The following DKKL1 variants were observed in gnomAD, a reference collection of about 807,000 sequenced individuals.
DKKL1 encodes the protein dickkopf like acrosomal protein 1.
DKKL1 carries 11 observed loss-of-function variants against 16.5 expected under a neutral mutation model. The observed-to-expected ratio is 0.67, with a 90% confidence interval of 0.42 to 1.10. The LOEUF is 1.10. Among genes scored for constraint, DKKL1 ranks in the 50% least tolerant of loss-of-function variants. The pLI, the probability that DKKL1 is intolerant of heterozygous loss-of-function variation, is 0.00. For synonymous variants in DKKL1, 119 were observed against 133.2 expected (o/e 0.89, Z 0.73); for missense variants, 320 against 308.1 (o/e 1.04, Z -0.29).
chr19:49,371,558 A>G (rs1470227436), intron 4 of DKKL1, among the ~76,000 whole-genome samples: 1 of 142,522 alleles, frequency 7.0e-6, no homozygotes, highest in Admixed American at 6.7e-5. Context: ...TCATTTTCTT[A>G]ATGACTTACC....
At chr19:49,372,970 C>T (rs1035382809) in intron 4 of DKKL1, among the ~76,000 whole-genome samples, 4 of 152,036 alleles carry the variant, frequency 2.6e-5, no homozygotes, top group Non-Finnish European at 4.4e-5. Context: ...CATTGCACTA[C>T]AGCCTGGGCA....
In DKKL1 at chr19:49,363,901, G is replaced by A; in HGVS notation, c.-98G>A. The A allele has an allele frequency of 1.3e-6, 2 of 1,536,400 alleles. No homozygotes were observed. Among genetic ancestry groups the A allele is most frequent in the Non-Finnish European group, 1.8e-6 (2 of 1,128,514 alleles). On this transcript the variant is annotated 5_prime_UTR_variant, in exon 1 of 5. Transcript: ENST00000221498. ...CAGACCTGGGCTCGAGACCATAACTGTTTGGCTTTAACAGTACGTGGGCGG... is the reference window on the plus strand; with the variant it reads ...CAGACCTGGGCTCGAGACCATAACTATTTGGCTTTAACAGTACGTGGGCGG...
Position 49,365,621 on chromosome 19 carries a change from C to G in DKKL1, c.296C>G (p.Thr99Ser). 6.2e-7 allele frequency: 1 copy of G among 1,613,400 alleles called. No individual in the cohort carries two copies. The highest frequency in any genetic ancestry group is 8.5e-7 in the Non-Finnish European group (1 of 1,179,656). ...CAGGAGCACCAGCTGGGGAACAACACCCTCTCCAGCCACCTCCAGATCGAC... is the reference window on the plus strand; with the variant it reads ...CAGGAGCACCAGCTGGGGAACAACAGCCTCTCCAGCCACCTCCAGATCGAC... Reference protein sequence around the residue: ...ENQEHQLGNNTLSSHLQIDKM... With the variant: ...ENQEHQLGNNSLSSHLQIDKM... Residue 99 changes from threonine to serine, a missense_variant, in exon 3 of 5, where the codon ACC becomes AGC. Coordinates refer to ENST00000221498, the MANE Select transcript of DKKL1 (RefSeq NM_014419.4).
chr19:49,361,120 G>A (rs1230151314), upstream of DKKL1, among the ~76,000 whole-genome samples: 12 of 121,120 alleles, frequency 9.9e-5, no homozygotes, highest in East Asian at 2.9e-4. Context: ...CCAGGGAGAG[G>A]GGGAGACAGA....
rs550725451 is a variant in DKKL1, at chr19:49,364,282, G to A, written c.10+274G>A. On this transcript the variant is annotated intron_variant, in intron 1 of 4. Coordinates refer to ENST00000221498, the MANE Select transcript of DKKL1 (RefSeq NM_014419.4). ...GGGAGAATCACCTGAGCCCGGGGAG[G>A]TCGAGGCTGCAGTGAGCCGTGATTG... Among the ~76,000 whole-genome samples, 269 of 151,196 alleles carry A rather than the reference G, an allele frequency of 1.8e-3. 1 individual carries two copies. The Middle Eastern group carries it at 0.055, about 31-fold the overall frequency.
intron 4 of DKKL1, chr19:49,370,140 A>C (rs1973419718): frequency 6.6e-6 from 1 of 152,272 alleles, no homozygotes; most frequent in South Asian, 2.1e-4. Context: ...AGCCAGTGAA[A>C]GCTCAGATGA....
intron 4 of DKKL1, among the ~76,000 whole-genome samples, chr19:49,366,712 G>GGT (rs1568593133): frequency 2.1e-5 from 2 of 96,258 alleles, no homozygotes; most frequent in Non-Finnish European, 4.1e-5. Flanking sequence ...TTGTTTTTTT[G>GGT]GTTTTTTTTT....
chr19:49,366,085 G>A (rs866329454), intron 4 of DKKL1, among the ~76,000 whole-genome samples, 200 bp downstream of exon 4: 4 of 152,164 alleles, frequency 2.6e-5, no homozygotes, highest in Middle Eastern at 3.4e-3. Context: ...CTGCCACCAC[G>A]CCCGGCTAAT....
At chr19:49,364,480 T>G in intron 1 of DKKL1, 102 bp from the exon 2 acceptor site, 1 of 914,284 alleles carries the variant, frequency 1.1e-6, no homozygotes, top group South Asian at 1.7e-5. Flanking sequence ...GGTGTGGGAG[T>G]TGCCTGAACT....
intron 4 of DKKL1, chr19:49,371,010 C>G (rs1020030903): frequency 6.6e-6 from 1 of 152,172 alleles, no homozygotes; most frequent in African/African-American, 2.4e-5. Flanking sequence ...CCAGTAATGA[C>G]AAAGACTCTT....
rs1973294029 is a variant in DKKL1 at position 49,367,358 on chromosome 19, A to G, written c.417+1473A>G. The stretch of plus-strand genomic sequence containing the variant: ...GCCCAAAATGTGATTTTTAATACCA[A>G]AGAGCTGTATGAATGCTAAATGCGT... On this transcript the variant is annotated intron_variant, in intron 4 of 4. Transcript: ENST00000221498. 2.0e-5 allele frequency among the ~76,000 whole-genome samples: 3 copies of G among 152,014 alleles called. No individual in the cohort carries two copies. The South Asian group carries it at 6.2e-4, about 32-fold the overall frequency.
Position 49,364,589 on chromosome 19 carries a change from A to T in DKKL1, c.18A>T (p.Pro6=), listed in dbSNP as rs1973176850. ...CCCCGACCCTTGCCACAGCCTCCCC[A>T]CCTGCCCCCGCAAGGCGGCATCTGC... MGEAS[P]PAPARRHLLV... is the part of the protein sequence containing the mutation. Residue 6 remains proline, a synonymous_variant, in exon 2 of 5, where the codon CCA becomes CCT. Coordinates refer to ENST00000221498, the MANE Select transcript of DKKL1 (RefSeq NM_014419.4). 3 of 1,610,300 alleles carry T rather than the reference A, an allele frequency of 1.9e-6. No individual in the cohort carries two copies. Among genetic ancestry groups the T allele is most frequent in the Middle Eastern group, 2.1e-4 (1 of 4,678 alleles).
At chr19:49,372,969 A>C (rs1973561579) in intron 4 of DKKL1, among the ~76,000 whole-genome samples, 1 of 151,524 alleles carries the variant, frequency 6.6e-6, no homozygotes, top group Non-Finnish European at 1.5e-5. Context: ...CCATTGCACT[A>C]CAGCCTGGGC....
chr19:49,368,919 A>G lies in DKKL1; in HGVS notation c.417+3034A>G, dbSNP rs115951671. 4.5e-3 allele frequency: 681 copies of G among 152,286 alleles called. 9 individuals carry two copies. Among genetic ancestry groups the G allele is most frequent in the African/African-American group, 0.015 (625 of 41,552 alleles). The allele number at this position is 152,286 out of a possible 1,614,324, so 9.4% of individuals were successfully genotyped here. A position where few individuals can be genotyped will look rare whatever the true frequency, so the allele number is the denominator to read the frequency against. On this transcript the variant is annotated intron_variant, in intron 4 of 4. Coordinates refer to ENST00000221498, the MANE Select transcript of DKKL1 (RefSeq NM_014419.4). ...TATTTGGAAATGTTATTACTTCTCC[A>G]AGTCTTTTGGCAAGCAACTTCCTCT...
At chr19:49,364,145 T>A in intron 1 of DKKL1, 137 bp downstream of exon 1, 1 of 1,181,222 alleles carries the variant, frequency 8.5e-7, no homozygotes, top group African/African-American at 1.5e-5. Context: ...AGATCAGGAG[T>A]TCGAGACCAG....
At chr19:49,363,869 T>C, upstream of DKKL1, 4 of 1,363,554 alleles carry the variant, frequency 2.9e-6, no homozygotes, top group South Asian at 5.0e-5. Flanking sequence ...CAACCAACGC[T>C]CTAGACCAGA....
upstream of DKKL1, chr19:49,363,733 C>T: frequency 1.8e-6 from 1 of 551,286 alleles, no homozygotes; most frequent in South Asian, 1.9e-5. Flanking sequence ...GTGTGGTGAA[C>T]GAAGGATGGG....
intron 1 of DKKL1, 58 bp downstream of exon 1, chr19:49,364,066 G>T: frequency 6.2e-7 from 1 of 1,603,540 alleles, no homozygotes; most frequent in Non-Finnish European, 8.5e-7. Flanking sequence ...ACCATTGGAT[G>T]AGGCCGGGTG....
At position 49,375,061 on chromosome 19, in the gene DKKL1, C is replaced by G; in HGVS notation, c.*33C>G. On this transcript the variant is annotated 3_prime_UTR_variant, in exon 5 of 5. Coordinates refer to ENST00000221498, the MANE Select transcript of DKKL1 (RefSeq NM_014419.4). ...GACCGGGGAGCACCTGCCTGTAGCC[C>G]CCATCAGACCCTGCCCCAAGCACCA... 1 of 1,557,880 alleles carries G rather than the reference C, an allele frequency of 6.4e-7. No homozygotes were observed. The highest frequency in any genetic ancestry group is 8.7e-7 in the Non-Finnish European group (1 of 1,153,502).
Sources: allele counts gnomAD v4.1 joint callset (sites outside exome capture counted in the v4.1 genomes callset), GRCh38; gene constraint gnomAD v4.1.1; transcripts MANE v1.5; gene names NCBI Gene and HGNC (gene_info 2026-07-23, HGNC 2026-07-21).